Variants in COL4A2 observed in about 807,000 individuals in gnomAD.
COL4A2 encodes the protein collagen alpha-2(IV) chain.
Under a neutral mutation model 200.2 loss-of-function variants are expected in COL4A2, and 99 were observed. The ratio of observed to expected loss-of-function variants is 0.49; its 90% CI spans 0.42 to 0.58. The LOEUF (loss-of-function observed/expected upper bound fraction) is 0.58. Ranked by LOEUF, COL4A2 falls within the 20% of genes least tolerant of loss-of-function variation. The probability of loss-of-function intolerance (pLI) is 0.00; values close to 1 mark genes in which losing one functional copy is unlikely to be tolerated. For synonymous variants in COL4A2, 897 were observed against 900.6 expected (o/e 1.00, Z 0.07); for missense variants, 1,950 against 2,314.1 (o/e 0.84, Z 3.23).
intron 3 of COL4A2, among the ~76,000 whole-genome samples, chr13:110,321,867 C>A (rs905765141): frequency 6.6e-6 from 1 of 152,164 alleles, no homozygotes; most frequent in Non-Finnish European, 1.5e-5. Context: ...ATCATGAGAA[C>A]AGTATGGGGG....
intron 32 of COL4A2, among the ~76,000 whole-genome samples, chr13:110,483,619 C>T (rs886092152): frequency 5.3e-5 from 8 of 152,172 alleles, no homozygotes; most frequent in African/African-American, 9.7e-5. Context: ...CACTATGCCA[C>T]GTGTCGTCTG....
At chr13:110,350,704 G>A (rs9588143) in intron 3 of COL4A2, among the ~76,000 whole-genome samples, 13,212 of 152,156 alleles carry the variant, frequency 0.087, 1,910 homozygotes, top group African/African-American at 0.3. Flanking sequence ...TGCAAACCTC[G>A]GTGTGCTAAC....
chr13:110,399,061 C>T (rs1249101963), intron 4 of COL4A2, among the ~76,000 whole-genome samples: 2 of 152,158 alleles, frequency 1.3e-5, no homozygotes, highest in Admixed American at 6.5e-5. Flanking sequence ...CCAGGCCACT[C>T]TGTGCCCAGT....
chr13:110,340,398 T>C (rs1004522033), intron 3 of COL4A2, among the ~76,000 whole-genome samples: 2 of 152,228 alleles, frequency 1.3e-5, no homozygotes, highest in Non-Finnish European at 2.9e-5. Flanking sequence ...GCCACAGATA[T>C]GGCCATGGTC....
intron 4 of COL4A2, among the ~76,000 whole-genome samples, chr13:110,396,196 C>T (rs573791683): frequency 1.3e-5 from 2 of 152,210 alleles, no homozygotes; most frequent in African/African-American, 4.8e-5. Context: ...CTTGTATTAG[C>T]GTGCTGCATT....
intron 4 of COL4A2, among the ~76,000 whole-genome samples, chr13:110,404,951 C>T (rs1431635019): frequency 1.3e-5 from 2 of 152,110 alleles, no homozygotes; most frequent in African/African-American, 2.4e-5. Context: ...AAGTAAGCAA[C>T]ATAATCCAAA....
chr13:110,317,786 C>T (rs950479908), intron 3 of COL4A2, among the ~76,000 whole-genome samples: 5 of 152,196 alleles, frequency 3.3e-5, no homozygotes, highest in Non-Finnish European at 7.3e-5. Context: ...GGGGCAAACA[C>T]GGCTTTATGT....
In COL4A2 at chr13:110,458,918, G is replaced by C. The variant is rs766013820; in HGVS notation, c.1580G>C (p.Gly527Ala). The change falls in exon 22 of 48, where the codon GGG becomes GCG. Residue 527 changes from glycine (G) to alanine (A), a missense_variant. Coordinates refer to ENST00000360467, the MANE Select transcript of COL4A2 (RefSeq NM_001846.4). ...GACCCCGGCCAACACGGCCTCCCTG[G>C]GTTCCCAGGGCTCAAGGTGAGGAGC... is the stretch of plus-strand genomic sequence containing the variant. ...RGDPGQHGLP[G>A]FPGLKGVPGN... 3.8e-6 allele frequency: 6 copies of C among 1,581,416 alleles called. No homozygotes were observed. The highest frequency in any genetic ancestry group is 5.2e-6 in the Non-Finnish European group (6 of 1,164,342).
At chr13:110,470,311 G>A (rs1329078779) in intron 28 of COL4A2, among the ~76,000 whole-genome samples, 1 of 152,098 alleles carries the variant, frequency 6.6e-6, no homozygotes, top group Admixed American at 6.5e-5. Flanking sequence ...AGGGTCCTGG[G>A]CAGGTTCCTG....
chr13:110,318,304 G>T (rs796511884), intron 3 of COL4A2, among the ~76,000 whole-genome samples: 102 of 151,664 alleles, frequency 6.7e-4, no homozygotes, highest in African/African-American at 2.0e-3. Flanking sequence ...TCTGATCAGT[G>T]TGTGTGTGCG....
chr13:110,310,855 A>G (rs182437150), intron 3 of COL4A2, among the ~76,000 whole-genome samples: 1 of 152,284 alleles, frequency 6.6e-6, no homozygotes, highest in East Asian at 1.9e-4. Flanking sequence ...CACACTGATG[A>G]GCTAGGTAAC....
At chr13:110,461,983 C>A in intron 22 of COL4A2, 131 bp from the exon 23 acceptor site, 1 of 1,377,222 alleles carries the variant, frequency 7.3e-7, no homozygotes, top group South Asian at 1.4e-5. Context: ...GAAAGTGCTC[C>A]TTGGGTGGCG....
In COL4A2 at chr13:110,446,865, G is replaced by A; in HGVS notation, c.1078+1G>A. The A allele has an allele frequency of 2.5e-6, 4 of 1,610,792 alleles. No individual in the cohort carries two copies. The South Asian group carries it at 4.4e-5, about 18-fold the overall frequency. On this transcript the variant is annotated splice_donor_variant, in intron 18 of 47. Transcript: ENST00000360467. LOFTEE classifies it high-confidence loss of function. ...TCCCCTCACCCTTCCCTAGCAAAAG[G>A]TGTGTGAACAATTTCACCTGCATAG... is the stretch of plus-strand genomic sequence containing the variant.
intron 29 of COL4A2, 23 bp from the exon 30 acceptor site, chr13:110,477,980 G>A: frequency 6.5e-7 from 1 of 1,533,848 alleles, no homozygotes; most frequent in Non-Finnish European, 8.8e-7. Context: ...GGCCCCCACA[G>A]CTCTTGTCTC....
intron 24 of COL4A2, 41 bp downstream of exon 24, chr13:110,462,425 T>C: frequency 6.2e-7 from 1 of 1,600,736 alleles, no homozygotes; most frequent in Non-Finnish European, 8.5e-7. Context: ...CCTCTCTTCT[T>C]CATCCTTCAG....
rs189840708 is a variant in COL4A2, at chr13:110,387,033, T to A, written c.180+29481T>A. On this transcript the variant is annotated intron_variant, in intron 4 of 47. Coordinates refer to ENST00000360467, the MANE Select transcript of COL4A2 (RefSeq NM_001846.4). The stretch of plus-strand genomic sequence containing the variant: ...GGCGGGTGAATTACGAGGTCAGGAG[T>A]TCAAGACCAGCCTGGCCAACATGGT... 6.6e-3 allele frequency among the ~76,000 whole-genome samples: 999 copies of A among 151,418 alleles called. 2 individuals are homozygous for A. The highest frequency in any genetic ancestry group is 0.011 in the Non-Finnish European group (722 of 67,824).
At chr13:110,455,240 G>C (rs1327591428) in intron 20 of COL4A2, among the ~76,000 whole-genome samples, 1 of 152,082 alleles carries the variant, frequency 6.6e-6, no homozygotes, top group Non-Finnish European at 1.5e-5. Flanking sequence ...GCCAAGTCCG[G>C]TTTCTTCCCC....
chr13:110,506,494 G>A lies in COL4A2; in HGVS notation c.4482G>A (p.Lys1494=), dbSNP rs1298949592. The A allele has an allele frequency of 2.5e-6, 4 of 1,612,628 alleles. No homozygotes were observed. The highest frequency in any genetic ancestry group is 1.6e-4 in the Middle Eastern group (1 of 6,082). ...RSVSIGYLLV[K]HSQTDQEPMC... ...TCAGCATCGGCTACCTCCTGGTGAA[G>A]CACAGCCAGACGGACCAGGAGCCCA... Residue 1494 remains lysine (K), a synonymous_variant, in exon 46 of 48, where the codon AAG becomes AAA. Transcript: ENST00000360467.
chr13:110,338,578 C>T (rs117809756), intron 3 of COL4A2, among the ~76,000 whole-genome samples: 256 of 152,210 alleles, frequency 1.7e-3, no homozygotes, highest in Non-Finnish European at 3.0e-3. Flanking sequence ...GGGCCTCTGC[C>T]GAGAAGCTAA....
Sources: gnomAD v4.1 joint callset for allele counts (sites outside exome capture counted in the v4.1 genomes callset) on GRCh38, gnomAD v4.1.1 for gene constraint, MANE v1.5 for transcripts, NCBI Gene and HGNC (gene_info 2026-07-23, HGNC 2026-07-21) for gene names.